TEP1: variants seen among roughly 807,000 people sequenced by gnomAD.
The protein encoded by TEP1 is telomerase associated protein 1, also known as telomerase protein component 1.
A neutral mutation model predicts 306.3 loss-of-function variants in TEP1; 241 were observed. That is an observed-to-expected ratio of 0.79 (90% CI 0.71 to 0.88). The LOEUF (loss-of-function observed/expected upper bound fraction) is 0.88. Among genes scored for constraint, TEP1 ranks in the 40% least tolerant of loss-of-function variants. The probability of loss-of-function intolerance (pLI) is 0.00; values close to 1 mark genes in which losing one functional copy is unlikely to be tolerated. For synonymous variants in TEP1, 1,289 were observed against 1,305.5 expected (o/e 0.99, Z 0.27); for missense variants, 3,051 against 3,276.1 (o/e 0.93, Z 1.68).
rs938887 is a variant in TEP1 at position 20,379,043 on chromosome 14, A to G, written c.5190T>C (p.Asp1730=). 0.21 allele frequency: 345,606 copies of G among 1,613,882 alleles called. 40,405 individuals carry two copies. The highest frequency in any genetic ancestry group is 0.43 in the African/African-American group (31,969 of 74,964). Reference sequence around the variant, plus strand: ...CGTCGAAGGCAGTAAGAAAGAGTGTATCATCGGAGAGGAACAAACAAGCAG... The same window carrying G: ...CGTCGAAGGCAGTAAGAAAGAGTGTGTCATCGGAGAGGAACAAACAAGCAG... The part of the protein sequence containing the change: ...GISACLFLSD[D]TLFLTAFDGL... The change falls in exon 36 of 55, where the codon GAT becomes GAC. Residue 1730 remains aspartate (D), a synonymous_variant. Transcript: ENST00000262715.
At chr14:20,400,682 G>T (rs1878633905) in intron 9 of TEP1, 2 of 270,612 alleles carry the variant, frequency 7.4e-6, no homozygotes, top group Non-Finnish European at 1.4e-5. Context: ...ACCTTTTTTG[G>T]AATGAGTTAC....
At chr14:20,379,841 A>G in intron 35 of TEP1, 89 bp downstream of exon 35, 1 of 1,491,906 alleles carries the variant, frequency 6.7e-7, no homozygotes, top group Non-Finnish European at 9.0e-7. Flanking sequence ...AATCAGAGTG[A>G]TAACAGGTGT....
rs1884441180 is a variant in TEP1, at chr14:20,365,720, TAC to T, written c.*2715_*2716del. ...TGTCAGATATTACTTTTTAAATTCC[TAC>T]ACAGTTTCTAAATGGTTACTCTCAA... On this transcript the variant is annotated 3_prime_UTR_variant, in exon 55 of 55. Coordinates refer to ENST00000262715, the MANE Select transcript of TEP1 (RefSeq NM_007110.5). 2 of 152,380 alleles carry T rather than the reference TAC, an allele frequency of 1.3e-5. No individual in the cohort carries two copies. Among genetic ancestry groups the T allele is most frequent in the South Asian group, 2.1e-4 (1 of 4,832 alleles). The allele number at this position is 152,380 out of a possible 1,614,324, so 9.4% of individuals were successfully genotyped here. A position where few individuals can be genotyped will look rare whatever the true frequency, so the allele number is the denominator to read the frequency against.
At chr14:20,376,379 T>A in intron 41 of TEP1, 115 bp from the exon 42 acceptor site, 1 of 1,077,608 alleles carries the variant, frequency 9.3e-7, no homozygotes, top group Non-Finnish European at 1.3e-6. Flanking sequence ...GAGGCTCAGC[T>A]CCATGGGAGG....
intron 35 of TEP1, among the ~76,000 whole-genome samples, 160 bp downstream of exon 35, chr14:20,379,770 T>C (rs1314378519): frequency 6.6e-6 from 1 of 152,190 alleles, no homozygotes; most frequent in Non-Finnish European, 1.5e-5. Context: ...ATATTTGCTG[T>C]GTGATTGATT....
intron 12 of TEP1, among the ~76,000 whole-genome samples, chr14:20,392,990 G>C (rs552179578): frequency 1.6e-4 from 22 of 135,446 alleles, no homozygotes; most frequent in Non-Finnish European, 2.6e-4. Context: ...AGGCCGAGGC[G>C]GGCAGATCAC....
Position 20,403,899 on chromosome 14 carries a change from G to A in TEP1, c.1033-15C>T, listed in dbSNP as rs1444990355. On this transcript the variant is annotated splice_polypyrimidine_tract_variant and intron_variant, in intron 5 of 54. Coordinates refer to ENST00000262715, the MANE Select transcript of TEP1 (RefSeq NM_007110.5). Reference sequence around the variant, plus strand: ...TCAGCCAGGCTCTGTCAAAGAGAGAGGAGAGACCACTAGAAGCAAGACCCA... The same window carrying A: ...TCAGCCAGGCTCTGTCAAAGAGAGAAGAGAGACCACTAGAAGCAAGACCCA... The A allele has an allele frequency of 1.9e-6, 3 of 1,613,948 alleles. No homozygotes were observed. The highest frequency in any genetic ancestry group is 1.1e-5 in the South Asian group (1 of 91,076).
At chr14:20,390,800 C>T (rs1173174273) in intron 14 of TEP1, 42 bp from the exon 15 acceptor site, 16 of 1,613,186 alleles carry the variant, frequency 9.9e-6, no homozygotes, top group African/African-American at 1.3e-5. Flanking sequence ...GCACAGTAAG[C>T]GACAAACACT....
Position 20,382,272 on chromosome 14 carries a change from G to A in TEP1, c.4225C>T (p.Pro1409Ser), listed in dbSNP as rs146168346. ...ILSTLEKEHG[P>S]DVLPQALTAL... ...GTCAAGGCCTGGGGAAGGACATCAG[G>A]CCCGTGCTCCTTCTCCAGTGTGCTC... The change falls in exon 29 of 55, where the codon CCT (proline) becomes TCT (serine). Residue 1409 changes from proline to serine, a missense_variant. Pro to Ser is a moderately conservative substitution (Grantham distance 74). This residue lies in a region of TEP1 where 1,540 missense variants were observed against 1,705.9 expected (regional missense o/e 0.90). Coordinates refer to ENST00000262715, the MANE Select transcript of TEP1 (RefSeq NM_007110.5). 2.7e-5 allele frequency: 43 copies of A among 1,614,014 alleles called. No individual in the cohort carries two copies. The African/African-American group carries it at 5.1e-4, about 19-fold the overall frequency.
At chr14:20,394,893 A>T (rs1034620613) in intron 12 of TEP1, among the ~76,000 whole-genome samples, 2 of 152,158 alleles carry the variant, frequency 1.3e-5, no homozygotes, top group African/African-American at 4.8e-5. Context: ...GTTTGTTTTG[A>T]GTAAAAATAA....
rs749211990 is a variant in TEP1, at chr14:20,369,374, TG to T, written c.7625del (p.Thr2542AsnfsTer4). The T allele has an allele frequency of 2.0e-4, 316 of 1,614,012 alleles. No homozygotes were observed. Among genetic ancestry groups the T allele is most frequent in the Admixed American group, 1.3e-4 (8 of 60,020 alleles). ...TACGCTGCCGTGTCTTTAGATGTGG[TG>T]TTGGCTCACTATCCATGCTGGCATC... Reference protein sequence around the residue: ...DSDASMDSEPTPHLKTRQRRK... With the variant: ...DSDASMDSEPXPHLKTRQRRK... On this transcript the variant is annotated frameshift_variant, in exon 53 of 55. Transcript: ENST00000262715. LOFTEE classifies it high-confidence loss of function.
Position 20,383,363 on chromosome 14 carries a change from T to G in TEP1, c.3868-10A>C, listed in dbSNP as rs769670309. On this transcript the variant is annotated splice_polypyrimidine_tract_variant and intron_variant, in intron 26 of 54. Transcript: ENST00000262715. ...GCACCAGGTGTACACACTGTGATAT[T>G]TGGGCAAAGGGGCAGGAAGGTAGAA... 1 of 1,602,346 alleles carries G rather than the reference T, an allele frequency of 6.2e-7. No individual in the cohort carries two copies. Among genetic ancestry groups the G allele is most frequent in the South Asian group, 1.1e-5 (1 of 89,794 alleles).
intron 7 of TEP1, among the ~76,000 whole-genome samples, chr14:20,401,913 A>G (rs1321109276): frequency 1.3e-5 from 2 of 152,234 alleles, no homozygotes; most frequent in South Asian, 4.1e-4. Flanking sequence ...ATCAGCTCCG[A>G]TTTAAATCAC....
rs563568149 is a variant in TEP1 at position 20,379,948 on chromosome 14, C to A, written c.5109G>T (p.Leu1703Phe). 1 of 1,612,868 alleles carries A rather than the reference C, an allele frequency of 6.2e-7. No individual in the cohort carries two copies. The highest frequency in any genetic ancestry group is 1.3e-5 in the African/African-American group (1 of 74,824). The stretch of plus-strand genomic sequence containing the variant: ...GTCATACCTGCCAAGTTCTCAGGTC[C>A]AACAGGTAAACTGTCCCATTGGCAG... ...VGTANGTVYL[L>F]DLRTWQEEKS... The change falls in exon 35 of 55, where the codon TTG becomes TTT. Residue 1703 changes from leucine to phenylalanine, a missense_variant. Physicochemically the swap from Leu to Phe is conservative, Grantham distance 22. Around this residue, in one of 3 missense-constraint regions of TEP1, gnomAD observed 1,540 missense variants for 1,705.9 expected, o/e 0.90. Coordinates refer to ENST00000262715, the MANE Select transcript of TEP1 (RefSeq NM_007110.5).
intron 9 of TEP1, among the ~76,000 whole-genome samples, chr14:20,399,348 T>A (rs914193990): frequency 6.6e-6 from 1 of 152,190 alleles, no homozygotes; most frequent in African/African-American, 2.4e-5. Flanking sequence ...TTAAGTCCAA[T>A]ATCATACTGG....
chr14:20,401,707 G>A (rs376577795), intron 7 of TEP1, 126 bp from the exon 8 acceptor site: 24 of 1,414,268 alleles, frequency 1.7e-5, no homozygotes, highest in Non-Finnish European at 2.1e-5. Flanking sequence ...AAATAGATTT[G>A]GCCAAGGAGC....
In TEP1 at chr14:20,396,609, C is replaced by G. The variant is rs750317763; in HGVS notation, c.1659+12G>C. On this transcript the variant is annotated intron_variant, in intron 10 of 54. Transcript: ENST00000262715. ...TTGCTGGGCCCCATGGCTACCAGCCCCTCACACATACCGCATGCTGGAGTC... is the reference window on the plus strand; with the variant it reads ...TTGCTGGGCCCCATGGCTACCAGCCGCTCACACATACCGCATGCTGGAGTC... 1.9e-6 allele frequency: 3 copies of G among 1,598,378 alleles called. No homozygotes were observed. The highest frequency in any genetic ancestry group is 2.6e-6 in the Non-Finnish European group (3 of 1,167,184).
In TEP1 at chr14:20,384,662, G is replaced by T. The variant is rs141340526; in HGVS notation, c.3159C>A (p.Ala1053=). 1 of 1,613,320 alleles carries T rather than the reference G, an allele frequency of 6.2e-7. No individual in the cohort carries two copies. The highest frequency in any genetic ancestry group is 8.5e-7 in the Non-Finnish European group (1 of 1,180,014). The stretch of plus-strand genomic sequence containing the variant: ...TCTTCAGTTCTGAGATCCGACGTGC[G>T]GCCTCTTCAGACTCAGAAACAAAGT... The part of the protein sequence containing the change: ...KSDFVSESEE[A]ARRISELKSY... Residue 1053 remains alanine (A), a synonymous_variant, in exon 22 of 55, where the codon GCC becomes GCA. Coordinates refer to ENST00000262715, the MANE Select transcript of TEP1 (RefSeq NM_007110.5).
chr14:20,371,224 A>C lies in TEP1; in HGVS notation c.7311T>G (p.Ser2437=), dbSNP rs144229259. ...ACACTCAAATAGGACTTACCAAGAA[A>C]GAAAGAACTCCAGGATCCTTGGGCT... The part of the protein sequence containing the change: ...VLQPKDPGVL[S]FLRQKESGEF... Residue 2437 remains serine, a synonymous_variant, in exon 51 of 55, where the codon TCT becomes TCG. Transcript: ENST00000262715. 3 of 1,613,708 alleles carry C rather than the reference A, an allele frequency of 1.9e-6. No homozygotes were observed. The highest frequency in any genetic ancestry group is 2.5e-6 in the Non-Finnish European group (3 of 1,179,684).
Sources: allele counts gnomAD v4.1 joint callset (sites outside exome capture counted in the v4.1 genomes callset), GRCh38; gene constraint gnomAD v4.1.1; regional missense constraint gnomAD v4.1.1; transcripts MANE v1.5; gene names NCBI Gene and HGNC (gene_info 2026-07-23, HGNC 2026-07-21).